CYFIP1: variants seen among roughly 807,000 people sequenced by gnomAD.
CYFIP1 encodes the protein cytoplasmic FMR1-interacting protein 1.
A neutral mutation model predicts 163.5 loss-of-function variants in CYFIP1; 58 were observed. The ratio of observed to expected loss-of-function variants is 0.35; its 90% CI spans 0.29 to 0.44. The LOEUF (loss-of-function observed/expected upper bound fraction) is 0.44, where lower values mean the gene tolerates loss of function less well. Among genes scored for constraint, CYFIP1 ranks in the 20% least tolerant of loss-of-function variants. The pLI, the probability that CYFIP1 is intolerant of heterozygous loss-of-function variation, is 1.00. For missense variants in CYFIP1, 1,338 were observed against 1,653.8 expected (o/e 0.81, Z 3.31); for synonymous variants, 663 against 660.7 (o/e 1.00, Z -0.05).
In CYFIP1 at chr15:22,868,020, A is replaced by G. The variant is rs1175234425; in HGVS notation, c.*2008T>C. 1 of 152,242 alleles carries G rather than the reference A, an allele frequency of 6.6e-6. No homozygotes were observed. The highest frequency in any genetic ancestry group is 1.5e-5 in the Non-Finnish European group (1 of 68,054). The allele number at this position is 152,242 out of a possible 1,614,324, so 9.4% of individuals were successfully genotyped here. A position where few individuals can be genotyped will look rare whatever the true frequency, so the allele number is the denominator to read the frequency against. On this transcript the variant is annotated 3_prime_UTR_variant, in exon 31 of 31. Transcript: ENST00000617928. ...ATTTCCACCTAGGTGATGGGAAGAAAGTGTTCGCCTGTTCCAGCCTGTGGC... is the reference window on the plus strand; with the variant it reads ...ATTTCCACCTAGGTGATGGGAAGAAGGTGTTCGCCTGTTCCAGCCTGTGGC...
intron 1 of CYFIP1, among the ~76,000 whole-genome samples, chr15:22,964,353 TCACACACACACACACACACACACACA>T (rs71117466): frequency 0.015 from 1,168 of 78,754 alleles, 38 homozygotes; most frequent in African/African-American, 0.055. Flanking sequence ...ACCTCATCAC[TCACACACACACACACACACACACACA>T]CACACACACA....
chr15:22,927,896 CG>C lies in CYFIP1; in HGVS notation c.1233+9del, dbSNP rs1484323285. On this transcript the variant is annotated intron_variant, in intron 12 of 30. Coordinates refer to ENST00000617928, the MANE Select transcript of CYFIP1 (RefSeq NM_014608.6). The stretch of plus-strand genomic sequence containing the variant: ...TTTGGAGCGGGGCTGGGGTCGGGGA[CG>C]GGGCCTACCACTTCCATCACGTGCG... 2 of 1,595,900 alleles carry C rather than the reference CG, an allele frequency of 1.3e-6. No homozygotes were observed. Among genetic ancestry groups the C allele is most frequent in the Non-Finnish European group, 1.7e-6 (2 of 1,174,716 alleles).
At chr15:22,931,039 A>G (rs539941329) in intron 11 of CYFIP1, among the ~76,000 whole-genome samples, 4 of 152,034 alleles carry the variant, frequency 2.6e-5, no homozygotes, top group Non-Finnish European at 5.9e-5. Flanking sequence ...AGGTGCCCCA[A>G]CATACCTGGA....
intron 1 of CYFIP1, among the ~76,000 whole-genome samples, chr15:22,965,548 C>T (rs549491897): frequency 6.6e-6 from 1 of 152,262 alleles, no homozygotes; most frequent in African/African-American, 2.4e-5. Context: ...CCTAGGCGTG[C>T]AGCAGGCAGT....
Position 22,933,808 on chromosome 15 carries a change from T to A in CYFIP1, c.986A>T (p.Lys329Ile). The change falls in exon 10 of 31, where the codon AAA becomes ATA. Residue 329 changes from lysine (K) to isoleucine (I), a missense_variant. Physicochemically the swap from Lys to Ile is moderately radical, Grantham distance 102. Coordinates refer to ENST00000617928, the MANE Select transcript of CYFIP1 (RefSeq NM_014608.6). ...AGCTTTCCTCTCCTCCTACCGAGATTTATTTTCCTCGTAGTGGGCGCTGGT... is the reference window on the plus strand; with the variant it reads ...AGCTTTCCTCTCCTCCTACCGAGATATATTTTCCTCGTAGTGGGCGCTGGT... ...IKTSAHYEEN[K>I]SRWTCTSSGS... 1 of 1,612,564 alleles carries A rather than the reference T, an allele frequency of 6.2e-7. No individual in the cohort carries two copies. Among genetic ancestry groups the A allele is most frequent in the South Asian group, 1.1e-5 (1 of 90,760 alleles).
chr15:22,953,227 C>T (rs1393981883), intron 1 of CYFIP1, among the ~76,000 whole-genome samples: 1 of 152,126 alleles, frequency 6.6e-6, no homozygotes, highest in African/African-American at 2.4e-5. Context: ...GTGCCACCTA[C>T]AGAGCCAGCG....
intron 22 of CYFIP1, among the ~76,000 whole-genome samples, chr15:22,894,448 G>A (rs1009490408): frequency 9.3e-5 from 14 of 151,096 alleles, no homozygotes; most frequent in Non-Finnish European, 2.1e-4. Flanking sequence ...TGCCACCAAC[G>A]CTTGGCTAAT....
At chr15:22,979,394 C>T (rs2063389455) in intron 1 of CYFIP1, among the ~76,000 whole-genome samples, 1 of 152,116 alleles carries the variant, frequency 6.6e-6, no homozygotes, top group Non-Finnish European at 1.5e-5. Context: ...CGGAGTCCGA[C>T]GGACGACTGC....
chr15:22,888,293 T>C (rs1045652155), intron 23 of CYFIP1, among the ~76,000 whole-genome samples: 3 of 152,208 alleles, frequency 2.0e-5, no homozygotes, highest in Admixed American at 2.0e-4. Flanking sequence ...ACGTGGCATA[T>C]GTGAGTGCTT....
intron 21 of CYFIP1, 133 bp downstream of exon 21, chr15:22,909,061 G>C: frequency 8.8e-7 from 1 of 1,134,042 alleles, no homozygotes; most frequent in Non-Finnish European, 1.3e-6. Flanking sequence ...CCCAGTGAGT[G>C]CATCTCTTTT....
chr15:22,923,998 A>AGTG lies in CYFIP1; in HGVS notation c.1359+1981_1359+1983dup, dbSNP rs576655766. Among the ~76,000 whole-genome samples, 27 of 151,380 alleles carry AGTG rather than the reference A, an allele frequency of 1.8e-4. No homozygotes were observed. The South Asian group carries it at 4.6e-3, about 26-fold the overall frequency. ...AAGAAGTTCTCAGCAACTTCATAGT[A>AGTG]GTGAAAAGGTAGAAATAACCCAAAT... On this transcript the variant is annotated intron_variant, in intron 13 of 30. Transcript: ENST00000617928.
chr15:22,954,848 C>T (rs1299623993), intron 1 of CYFIP1, among the ~76,000 whole-genome samples: 3 of 152,194 alleles, frequency 2.0e-5, no homozygotes, highest in African/African-American at 4.8e-5. Context: ...CATCATCATA[C>T]TTGGCTGCTC....
intron 1 of CYFIP1, among the ~76,000 whole-genome samples, chr15:22,976,930 T>C (rs971855662): frequency 1.2e-4 from 18 of 152,174 alleles, no homozygotes; most frequent in African/African-American, 3.9e-4. Flanking sequence ...CCGGGCCCGG[T>C]GGCTCACGCC....
chr15:22,960,715 CG>C (rs535448970), intron 1 of CYFIP1, among the ~76,000 whole-genome samples: 153 of 152,368 alleles, frequency 1.0e-3, no homozygotes, highest in Admixed American at 2.4e-3. Flanking sequence ...TGCTTCAGGG[CG>C]GCCCGCCCTC....
rs1239880122 is a variant in CYFIP1 at position 22,903,887 on chromosome 15, C to T, written c.2407G>A (p.Glu803Lys). The T allele has an allele frequency of 6.2e-7, 1 of 1,614,060 alleles. No homozygotes were observed. Among genetic ancestry groups the T allele is most frequent in the Non-Finnish European group, 8.5e-7 (1 of 1,179,990 alleles). Residue 803 changes from glutamate to lysine, a missense_variant, in exon 22 of 31, where the codon GAA becomes AAA. Around this residue, in one of 4 missense-constraint regions of CYFIP1, gnomAD observed 824 missense variants for 995.7 expected, o/e 0.83. Coordinates refer to ENST00000617928, the MANE Select transcript of CYFIP1 (RefSeq NM_014608.6). ...TSIVELDGLL[E>K]INRMTHKLLS... Reference sequence around the variant, plus strand: ...AGCTTGTGGGTCATGCGGTTGATTTCCAACAGGCCATCCAGCTCCTGTGGC... The same window carrying T: ...AGCTTGTGGGTCATGCGGTTGATTTTCAACAGGCCATCCAGCTCCTGTGGC...
chr15:22,881,878 C>T lies in CYFIP1; in HGVS notation c.2879G>A (p.Cys960Tyr). 1 of 1,612,160 alleles carries T rather than the reference C, an allele frequency of 6.2e-7. No individual in the cohort carries two copies. Among genetic ancestry groups the T allele is most frequent in the Non-Finnish European group, 8.5e-7 (1 of 1,180,008 alleles). ...GCCGTACTCGTGCCGGGGCAGGCGG[C>T]AGATCTTGGGCATCACCTCCATCAG... ...KTLMEVMPKI[C>Y]RLPRHEYGSP... The change falls in exon 25 of 31, where the codon TGC (cysteine) becomes TAC (tyrosine). Residue 960 changes from cysteine to tyrosine, a missense_variant. Physicochemically the swap from Cys to Tyr is radical, Grantham distance 194. Around this residue, in one of 4 missense-constraint regions of CYFIP1, gnomAD observed 824 missense variants for 995.7 expected, o/e 0.83. Transcript: ENST00000617928.
rs772549237 is a variant in CYFIP1, at chr15:22,870,011, G to A, written c.*17C>T. 1 of 1,562,052 alleles carries A rather than the reference G, an allele frequency of 6.4e-7. No individual in the cohort carries two copies. Among genetic ancestry groups the A allele is most frequent in the Non-Finnish European group, 8.6e-7 (1 of 1,159,944 alleles). On this transcript the variant is annotated 3_prime_UTR_variant, in exon 31 of 31. Coordinates refer to ENST00000617928, the MANE Select transcript of CYFIP1 (RefSeq NM_014608.6). ...GAAAGGCATGCCATGTTGAGTTACG[G>A]AGTGCAGCGCGTGCCCTCAGCTGCT...
chr15:22,946,776 C>G lies in CYFIP1; in HGVS notation c.207+227G>C, dbSNP rs868302418. 19 of 677,310 alleles carry G rather than the reference C, an allele frequency of 2.8e-5. No individual in the cohort carries two copies. The African/African-American group carries it at 3.2e-4, about 11-fold the overall frequency. 42.0% of individuals were successfully genotyped at this position (677,310 alleles called of 1,614,324 possible). On this transcript the variant is annotated intron_variant, in intron 3 of 30. Transcript: ENST00000617928. Reference sequence around the variant, plus strand: ...ACAGGGCAGGTGCACCCTTGAAACGCTGACAAAGGTTTTCTCTGGGCCAGA... The same window carrying G: ...ACAGGGCAGGTGCACCCTTGAAACGGTGACAAAGGTTTTCTCTGGGCCAGA...
intron 17 of CYFIP1, among the ~76,000 whole-genome samples, chr15:22,914,503 T>C (rs558245941): frequency 3.3e-5 from 5 of 151,924 alleles, no homozygotes; most frequent in Non-Finnish European, 7.4e-5. Flanking sequence ...CATAGCTCAA[T>C]GCAGCCACAA....
Sources: gnomAD v4.1 joint callset for allele counts (sites outside exome capture counted in the v4.1 genomes callset) on GRCh38, gnomAD v4.1.1 for gene constraint, gnomAD v4.1.1 regional missense constraint, MANE v1.5 for transcripts, NCBI Gene and HGNC (gene_info 2026-07-23, HGNC 2026-07-21) for gene names.